Variants in STEAP4 observed in about 807,000 individuals in gnomAD.
STEAP4 encodes metalloreductase STEAP4.
STEAP4 carries 36 observed loss-of-function variants against 43.6 expected under a neutral mutation model. The observed-to-expected ratio is 0.83, with a 90% CI of 0.63 to 1.09. The LOEUF (loss-of-function observed/expected upper bound fraction) is 1.09, where lower values mean the gene tolerates loss of function less well. Among genes scored for constraint, STEAP4 ranks in the 50% least tolerant of loss-of-function variants. The pLI is 0.00. For missense variants in STEAP4, 495 were observed against 546.5 expected (o/e 0.91, Z 0.94); for synonymous variants, 191 against 196.7 (o/e 0.97, Z 0.24).
chr7:88,295,182 A>G (rs1315310745), intron 1 of STEAP4, among the ~76,000 whole-genome samples: 1 of 152,176 alleles, frequency 6.6e-6, no homozygotes, highest in African/African-American at 2.4e-5. Context: ...AGAAGAACCT[A>G]TCTACAAAGA....
Position 88,288,389 on chromosome 7 carries a change from C to T in STEAP4, c.-2-4118G>A, listed in dbSNP as rs968249809. ...TTCTCCATGTTGGTCAGGCTGGTCT[C>T]GAACTCCTGATGTCAGGTGATCCGC... On this transcript the variant is annotated intron_variant, in intron 1 of 4. Coordinates refer to ENST00000380079, the MANE Select transcript of STEAP4 (RefSeq NM_024636.4). Among the ~76,000 whole-genome samples the T allele has an allele frequency of 4.6e-5, 7 of 152,064 alleles. No individual in the cohort carries two copies. The East Asian group carries it at 7.7e-4, about 17-fold the overall frequency.
chr7:88,296,478 T>G (rs2116009450), intron 1 of STEAP4, among the ~76,000 whole-genome samples: 1 of 151,982 alleles, frequency 6.6e-6, no homozygotes, highest in South Asian at 2.1e-4. Flanking sequence ...AATAGGAGGG[T>G]TTTTTTAAAG....
chr7:88,283,669 C>T (rs1852670208), intron 2 of STEAP4, 145 bp downstream of exon 2: 3 of 916,066 alleles, frequency 3.3e-6, no homozygotes, highest in East Asian at 2.6e-5. Context: ...TGGTCAAGCT[C>T]AAGAAAATTA....
intron 1 of STEAP4, among the ~76,000 whole-genome samples, chr7:88,305,769 G>A (rs554509455): frequency 5.4e-5 from 8 of 149,502 alleles, no homozygotes; most frequent in Admixed American, 2.0e-4. Flanking sequence ...CTTTAGTCAC[G>A]GCTTTTCACC....
chr7:88,302,817 G>T (rs1235682565), intron 1 of STEAP4, among the ~76,000 whole-genome samples: 2 of 151,802 alleles, frequency 1.3e-5, no homozygotes, highest in African/African-American at 4.8e-5. Context: ...AGGTAGGCTT[G>T]GTGGTGCATG....
intron 2 of STEAP4, 111 bp downstream of exon 2, chr7:88,283,703 G>A (rs1350003456): frequency 8.5e-7 from 1 of 1,179,620 alleles, no homozygotes; most frequent in East Asian, 2.4e-5. Context: ...TTAGCAAAAT[G>A]TAATATTTAG....
chr7:88,282,122 C>T (rs1852629630), intron 3 of STEAP4: 1 of 152,910 alleles, frequency 6.5e-6, no homozygotes, highest in Non-Finnish European at 1.5e-5. Context: ...CCAAGCGAAC[C>T]TGGAAAGTAT....
chr7:88,283,151 A>T lies in STEAP4; in HGVS notation c.474T>A (p.Asn158Lys). ...TCACTCTTTGCTTGGCTTTGCTGTC[A>T]TTTCCACACACAAACACCTAGTTTA... is the stretch of plus-strand genomic sequence containing the variant. ...DASRQVFVCGNDSKAKQRVMD... is the reference protein window; with the variant it reads ...DASRQVFVCGKDSKAKQRVMD... Residue 158 changes from asparagine (N) to lysine (K), a missense_variant, in exon 3 of 5, where the codon AAT becomes AAA. By Grantham distance (94) the Asn-to-Lys change is moderately conservative. Coordinates refer to ENST00000380079, the MANE Select transcript of STEAP4 (RefSeq NM_024636.4). 2 of 1,551,554 alleles carry T rather than the reference A, an allele frequency of 1.3e-6. No homozygotes were observed. Among genetic ancestry groups the T allele is most frequent in the Non-Finnish European group, 1.7e-6 (2 of 1,152,160 alleles).
chr7:88,288,621 T>A (rs1263284944), intron 1 of STEAP4, among the ~76,000 whole-genome samples: 2 of 152,172 alleles, frequency 1.3e-5, no homozygotes, highest in East Asian at 3.9e-4. Flanking sequence ...AATAAATAAC[T>A]TCTGCAATGC....
At chr7:88,282,543 G>T in intron 3 of STEAP4, 98 bp downstream of exon 3, 1 of 1,149,034 alleles carries the variant, frequency 8.7e-7, no homozygotes, top group Non-Finnish European at 1.2e-6. Flanking sequence ...AAAAGAAGAT[G>T]CTTAGAAGAG....
At position 88,272,473 on chromosome 7, in the gene STEAP4, T is replaced by G. The variant is rs1852450689; in HGVS notation, c.*6925A>C. On this transcript the variant is annotated 3_prime_UTR_variant, in exon 5 of 5. Coordinates refer to ENST00000380079, the MANE Select transcript of STEAP4 (RefSeq NM_024636.4). The stretch of plus-strand genomic sequence containing the variant: ...ACAAGAAGCCTTGCCTCAGGATCGG[T>G]TTTTAGAAGTGCCAAGCCAAGCCAG... 6.6e-6 allele frequency: 1 copy of G among 152,168 alleles called. No individual in the cohort carries two copies. Among genetic ancestry groups the G allele is most frequent in the African/African-American group, 2.4e-5 (1 of 41,412 alleles). 9.4% of individuals were successfully genotyped at this position (152,168 alleles called of 1,614,324 possible). A position where few individuals can be genotyped will look rare whatever the true frequency, so the allele number is the denominator to read the frequency against.
chr7:88,284,002 T>C lies in STEAP4; in HGVS notation c.268A>G (p.Thr90Ala). Residue 90 changes from threonine to alanine, a missense_variant, in exon 2 of 5, where the codon ACA becomes GCA. Thr to Ala is a moderately conservative substitution (Grantham distance 58, BLOSUM62 0). Transcript: ENST00000380079. ...CCATTGAGAACCTCAGTTAATTCTGTGAGAAAATCATAATGCTCTCTGTGG... is the reference window on the plus strand; with the variant it reads ...CCATTGAGAACCTCAGTTAATTCTGCGAGAAAATCATAATGCTCTCTGTGG... ...AIHREHYDFL[T>A]ELTEVLNGKI... The C allele has an allele frequency of 6.2e-7, 1 of 1,614,170 alleles. No individual in the cohort carries two copies. The highest frequency in any genetic ancestry group is 8.5e-7 in the Non-Finnish European group (1 of 1,180,028).
rs941937938 is a variant in STEAP4, at chr7:88,303,418, C to A, written c.-3+3374G>T. Among the ~76,000 whole-genome samples the A allele has an allele frequency of 2.0e-5, 3 of 151,620 alleles. No individual in the cohort carries two copies. In the South Asian group the frequency reaches 6.2e-4, roughly 32 times the overall value. ...GGCTGAGGCAGGAGAACTGCTTGAACCCAAGGAGCAGAGGTTGCAGTGAGG... is the reference window on the plus strand; with the variant it reads ...GGCTGAGGCAGGAGAACTGCTTGAAACCAAGGAGCAGAGGTTGCAGTGAGG... On this transcript the variant is annotated intron_variant, in intron 1 of 4. Coordinates refer to ENST00000380079, the MANE Select transcript of STEAP4 (RefSeq NM_024636.4).
In STEAP4 at chr7:88,280,937, C is replaced by T. The variant is rs1305356223; in HGVS notation, c.1127G>A (p.Trp376Ter). 4 of 1,609,932 alleles carry T rather than the reference C, an allele frequency of 2.5e-6. No homozygotes were observed. The Admixed American group carries it at 6.8e-5, about 27-fold the overall frequency. ...TACCTGGACAAATCGGAACTCTCTC[C>T]AGTTGACTGCATTGCTAACAGATGG... ...SLPSVSNAVN[W>*]REFRFVQSKL... The change falls in exon 4 of 5, where the codon TGG (tryptophan) becomes TAG (stop). Residue 376 changes from tryptophan (W) to a stop codon, truncating the protein, a stop_gained. Coordinates refer to ENST00000380079, the MANE Select transcript of STEAP4 (RefSeq NM_024636.4). LOFTEE classifies it high-confidence loss of function.
rs999693956 is a variant in STEAP4, at chr7:88,281,003, A to G, written c.1061T>C (p.Leu354Pro). The G allele has an allele frequency of 6.2e-7, 1 of 1,613,518 alleles. No individual in the cohort carries two copies. Among genetic ancestry groups the G allele is most frequent in the African/African-American group, 1.3e-5 (1 of 74,914 alleles). Residue 354 changes from leucine to proline, a missense_variant, in exon 4 of 5, where the codon CTT (leucine) becomes CCT (proline). Leu to Pro is a moderately conservative substitution (Grantham distance 98, BLOSUM62 -3). Coordinates refer to ENST00000380079, the MANE Select transcript of STEAP4 (RefSeq NM_024636.4). ...LSDSYVALGI[L>P]GFFLFVLLGI... ...CAAGAGTACAAACAGAAAAAACCCA[A>G]GTATTCCCAAAGCCACATATGAATC...
chr7:88,287,324 C>T (rs1292803348), intron 1 of STEAP4, among the ~76,000 whole-genome samples: 1 of 152,148 alleles, frequency 6.6e-6, no homozygotes, highest in Non-Finnish European at 1.5e-5. Context: ...GATCCATCAC[C>T]AGAGGTGGGC....
chr7:88,299,382 GA>G (rs1217379878), intron 1 of STEAP4, among the ~76,000 whole-genome samples: 1 of 152,200 alleles, frequency 6.6e-6, no homozygotes, highest in Non-Finnish European at 1.5e-5. Context: ...CAAGGTCAGG[GA>G]TTCAGTCGTG....
chr7:88,281,720 C>T (rs1852624028), intron 3 of STEAP4: 1 of 152,144 alleles, frequency 6.6e-6, no homozygotes. Flanking sequence ...ATAGCACTTC[C>T]TCTGAGAATG....
At chr7:88,296,932 C>CT (rs1301777072) in intron 1 of STEAP4, among the ~76,000 whole-genome samples, 1 of 152,012 alleles carries the variant, frequency 6.6e-6, no homozygotes, top group Non-Finnish European at 1.5e-5. Flanking sequence ...TAATAAATGG[C>CT]TTTTTCTAAC....
Sources: allele counts gnomAD v4.1 joint callset (sites outside exome capture counted in the v4.1 genomes callset), GRCh38; gene constraint gnomAD v4.1.1; transcripts MANE v1.5; gene names NCBI Gene and HGNC (gene_info 2026-07-23, HGNC 2026-07-21).